The following NCOA2 variants were observed in gnomAD, a reference collection of about 807,000 sequenced individuals.
NCOA2 encodes nuclear receptor coactivator 2.
Under a neutral mutation model 145.1 loss-of-function variants are expected in NCOA2, and 21 were observed. The ratio of observed to expected loss-of-function variants is 0.14; its 90% CI spans 0.10 to 0.21. The LOEUF (loss-of-function observed/expected upper bound fraction) is 0.21, where lower values mean the gene tolerates loss of function less well. Ranked by LOEUF, NCOA2 falls within the 10% of genes least tolerant of loss-of-function variation. The pLI, the probability that NCOA2 is intolerant of heterozygous loss-of-function variation, is 1.00. For synonymous variants in NCOA2, 619 were observed against 637.5 expected (o/e 0.97, Z 0.44); for missense variants, 1,472 against 1,837.6 (o/e 0.80, Z 3.64).
chr8:70,162,964 G>C lies in NCOA2; in HGVS notation c.833-110C>G, dbSNP rs1813208056. 14 of 1,137,228 alleles carry C rather than the reference G, an allele frequency of 1.2e-5. No individual in the cohort carries two copies. In the East Asian group the frequency reaches 3.5e-4, roughly 29 times the overall value. The allele number at this position is 1,137,228 out of a possible 1,614,324, so 70.4% of individuals were successfully genotyped here. ...GAGTCTCACTCTATCGTCCAGGCTG[G>C]AGTGCAGTGGTGCGATCTCAGCTCA... On this transcript the variant is annotated intron_variant, in intron 8 of 22. Transcript: ENST00000452400.
At chr8:70,204,304 G>A (rs1389955537) in intron 4 of NCOA2, among the ~76,000 whole-genome samples, 4 of 151,938 alleles carry the variant, frequency 2.6e-5, no homozygotes, top group East Asian at 1.9e-4. Flanking sequence ...CACCATGACC[G>A]GCGAATAGGA....
At chr8:70,184,886 A>T (rs963141732) in intron 4 of NCOA2, among the ~76,000 whole-genome samples, 4 of 152,148 alleles carry the variant, frequency 2.6e-5, no homozygotes, top group African/African-American at 9.7e-5. Context: ...AAACCATCCT[A>T]GTACCTGACC....
intron 1 of NCOA2, among the ~76,000 whole-genome samples, chr8:70,402,937 C>T (rs1465357943): frequency 6.9e-6 from 1 of 145,056 alleles, no homozygotes; most frequent in African/African-American, 2.5e-5. Flanking sequence ...CCGCCCCGCC[C>T]GCCGCAGCTC....
At chr8:70,302,448 A>G (rs1445000247) in intron 1 of NCOA2, among the ~76,000 whole-genome samples, 2 of 152,208 alleles carry the variant, frequency 1.3e-5, no homozygotes, top group Admixed American at 6.5e-5. Context: ...ACTGCAGACA[A>G]TAACTCTTAA....
At chr8:70,194,572 T>C (rs1216408490) in intron 4 of NCOA2, among the ~76,000 whole-genome samples, 1 of 152,076 alleles carries the variant, frequency 6.6e-6, no homozygotes, top group East Asian at 1.9e-4. Context: ...GGGTACAAAA[T>C]GAATGTTCTA....
intron 1 of NCOA2, among the ~76,000 whole-genome samples, chr8:70,341,043 C>T (rs1808085136): frequency 6.8e-6 from 1 of 147,090 alleles, no homozygotes; most frequent in Non-Finnish European, 1.5e-5. Context: ...TGTAACAAAA[C>T]TGTACATCCT....
rs769880905 is a variant in NCOA2, at chr8:70,156,442, GAGTTTGGTCTGCCCTTTGCTGTCATGC to G, written c.1896_1922del (p.His633_Leu641del). The G allele has an allele frequency of 1.2e-6, 2 of 1,613,972 alleles. No individual in the cohort carries two copies. Among genetic ancestry groups the G allele is most frequent in the East Asian group, 2.2e-5 (1 of 44,882 alleles). Reference sequence around the variant, plus strand: ...CAGATTTGGTGGTCAGCAGCTGCAGGAGTTTGGTCTGCCCTTTGCTGTCATGCAGTCTGCTCTGCCCGTCAGCTCTCT... The same window carrying G: ...CAGATTTGGTGGTCAGCAGCTGCAGGAGTCTGCTCTGCCCGTCAGCTCTCT... On this transcript the variant is annotated inframe_deletion, in exon 11 of 23. Transcript: ENST00000452400.
rs546739545 is a variant in NCOA2, at chr8:70,170,593, T to C, written c.364-214A>G. 2.6e-5 allele frequency among the ~76,000 whole-genome samples: 4 copies of C among 152,288 alleles called. No individual in the cohort carries two copies. The South Asian group carries it at 8.3e-4, about 32-fold the overall frequency. On this transcript the variant is annotated intron_variant, in intron 5 of 22. Coordinates refer to ENST00000452400, the MANE Select transcript of NCOA2 (RefSeq NM_006540.4). ...ATCTTAGTAAGTGGGAGAGAGAGCC[T>C]AGACTAGGGTTTCTTGTCACAAACT... is the stretch of plus-strand genomic sequence containing the variant.
intron 1 of NCOA2, chr8:70,357,310 A>T (rs1809791657): frequency 1.3e-5 from 2 of 152,080 alleles, no homozygotes; most frequent in South Asian, 2.1e-4. Flanking sequence ...GGCAAAAAAA[A>T]ATTTTTTTTT....
chr8:70,302,919 A>G (rs1057282298), intron 1 of NCOA2, among the ~76,000 whole-genome samples: 15 of 152,248 alleles, frequency 9.9e-5, no homozygotes, highest in Admixed American at 7.9e-4. Context: ...CTATTTACAT[A>G]TATGACACAG....
At chr8:70,331,295 A>T (rs945133624) in intron 1 of NCOA2, among the ~76,000 whole-genome samples, 3 of 152,184 alleles carry the variant, frequency 2.0e-5, no homozygotes, top group Non-Finnish European at 4.4e-5. Flanking sequence ...AATAGAGTAT[A>T]GCACATAATC....
chr8:70,444,678 T>C, the NCOA2 span, among the ~76,000 whole-genome samples: 14 of 152,334 alleles, frequency 9.2e-5, no homozygotes, highest in East Asian at 1.5e-3. Flanking sequence ...TGAAAATCTA[T>C]AATTATCTCA....
chr8:70,403,732 C>G lies in NCOA2; in HGVS notation c.-109G>C. On this transcript the variant is annotated 5_prime_UTR_variant, in exon 1 of 23. Coordinates refer to ENST00000452400, the MANE Select transcript of NCOA2 (RefSeq NM_006540.4). ...GGTCGGTCACGCCGTCAGGTGCCGG[C>G]TGCCGTCGGCGCTGACCTTCGCCGC... is the stretch of plus-strand genomic sequence containing the variant. 2.5e-6 allele frequency: 1 copy of G among 397,232 alleles called. No homozygotes were observed. The allele number at this position is 397,232 out of a possible 1,614,324, so 24.6% of individuals were successfully genotyped here. A position where few individuals can be genotyped will look rare whatever the true frequency, so the allele number is the denominator to read the frequency against.
At chr8:70,212,407 G>T (rs947908775) in intron 4 of NCOA2, among the ~76,000 whole-genome samples, 1 of 152,146 alleles carries the variant, frequency 6.6e-6, no homozygotes, top group African/African-American at 2.4e-5. Context: ...TGATGAAGGG[G>T]ACTGAAATGG....
intron 22 of NCOA2, among the ~76,000 whole-genome samples, chr8:70,114,359 T>C (rs997919487): frequency 6.6e-6 from 1 of 152,204 alleles, no homozygotes; most frequent in Non-Finnish European, 1.5e-5. Flanking sequence ...TTGGCTGCTA[T>C]GTGCTGATGA....
chr8:70,383,240 T>C (rs1002469553), intron 1 of NCOA2, among the ~76,000 whole-genome samples: 10 of 152,146 alleles, frequency 6.6e-5, no homozygotes, highest in African/African-American at 2.4e-4. Flanking sequence ...TGTGTGAATG[T>C]ACAGCAACCA....
chr8:70,173,548 C>T (rs1814481080), intron 5 of NCOA2, among the ~76,000 whole-genome samples: 1 of 152,258 alleles, frequency 6.6e-6, no homozygotes, highest in East Asian at 1.9e-4. Context: ...CCTTCCATTG[C>T]CTTGTTGACT....
At chr8:70,242,160 A>C (rs578181895) in intron 2 of NCOA2, among the ~76,000 whole-genome samples, 1 of 152,266 alleles carries the variant, frequency 6.6e-6, no homozygotes, top group East Asian at 1.9e-4. Flanking sequence ...TATTCTAGCC[A>C]ATCAATTTAC....
At chr8:70,404,033 G>C (rs73288568), upstream of NCOA2, among the ~76,000 whole-genome samples, 2 of 152,134 alleles carry the variant, frequency 1.3e-5, no homozygotes, top group South Asian at 4.1e-4. Flanking sequence ...TGCCTCTCGC[G>C]CCCCCGAGGA....
Sources: gnomAD v4.1 joint callset for allele counts (sites outside exome capture counted in the v4.1 genomes callset) on GRCh38, gnomAD v4.1.1 for gene constraint, MANE v1.5 for transcripts, NCBI Gene and HGNC (gene_info 2026-07-23, HGNC 2026-07-21) for gene names.